Variants in C2 observed in about 807,000 individuals in gnomAD.
C2 encodes C3/C5 convertase.
In C2, 64 loss-of-function variants were observed where a neutral mutation model predicts 85.2. That is an observed-to-expected ratio of 0.75 (90% CI 0.61 to 0.92). C2 has a LOEUF of 0.92. Among genes scored for constraint, C2 ranks in the 40% least tolerant of loss-of-function variants. The pLI is 0.00. For synonymous variants in C2, 311 were observed against 370.8 expected (o/e 0.84, Z 1.85); for missense variants, 820 against 971.6 (o/e 0.84, Z 2.07).
rs1480970904 is a variant in C2, at chr6:31,942,976, G to A, written c.1237G>A (p.Val413Met). 6.2e-7 allele frequency: 1 copy of A among 1,613,112 alleles called. No homozygotes were observed. The highest frequency in any genetic ancestry group is 8.5e-7 in the Non-Finnish European group (1 of 1,180,050). ...CCCACCAGACATCTATGCCATCGGGGTGGGCAAGCTGGATGTGGACTGGAG... is the reference window on the plus strand; with the variant it reads ...CCCACCAGACATCTATGCCATCGGGATGGGCAAGCTGGATGTGGACTGGAG... Reference protein sequence around the residue: ...NDYLDIYAIGVGKLDVDWREL... With the variant: ...NDYLDIYAIGMGKLDVDWREL... Residue 413 changes from valine to methionine, a missense_variant, in exon 10 of 18, where the codon GTG becomes ATG. Transcript: ENST00000299367.
chr6:31,921,824 A>G lies in C2; in HGVS notation c.-100+1798A>G, dbSNP rs1768994416. On this transcript the variant is annotated intron_variant, in intron 1 of 3. Transcript: ENST00000413154. This position sits in a 1 kb window ranked among gnomAD's most constrained non-coding sequence, Gnocchi z 4.6. ...TGAAGTCTTCCTCCCCCAGAAGCAG[A>G]CCTGGAGACAAGGGTTCCAGTGCAG... is the stretch of plus-strand genomic sequence containing the variant. 6.6e-6 allele frequency among the ~76,000 whole-genome samples: 1 copy of G among 152,196 alleles called. No individual in the cohort carries two copies. The highest frequency in any genetic ancestry group is 2.4e-5 in the African/African-American group (1 of 41,452).
rs1446373166 is a variant in C2, at chr6:31,944,224, G to A, written c.1900G>A (p.Glu634Lys). 2 of 1,604,584 alleles carry A rather than the reference G, an allele frequency of 1.2e-6. No individual in the cohort carries two copies. The highest frequency in any genetic ancestry group is 3.3e-5 in the Admixed American group (2 of 60,010). Residue 634 changes from glutamate (E) to lysine (K), a missense_variant and splice_region_variant, in exon 15 of 18, where the codon GAG becomes AAG. Physicochemically the swap from Glu to Lys is moderately conservative, Grantham distance 56. Coordinates refer to ENST00000299367, the MANE Select transcript of C2 (RefSeq NM_000063.6). This position sits in a 1 kb window ranked among gnomAD's most constrained non-coding sequence, Gnocchi z 5.1. ...KLNINLKMGV[E>K]WTSCAEVVSQ... ...GAACATTAACCTTAAGATGGGAGTG[G>A]AGGTGAGGGTCTCAGGTTGGGGATG...
At chr6:31,907,580 CAAAAAAAA>C (rs752096679) in intron 1 of C2, among the ~76,000 whole-genome samples, 1 of 79,168 alleles carries the variant, frequency 1.3e-5, no homozygotes, top group Non-Finnish European at 2.3e-5. Context: ...AAGACCCTGT[CAAAAAAAA>C]AAAAAAAAAA....
upstream of C2, among the ~76,000 whole-genome samples, chr6:31,898,550 TA>T (rs1245901702): frequency 6.6e-6 from 1 of 152,010 alleles, no homozygotes; most frequent in Non-Finnish European, 1.5e-5. Flanking sequence ...TGAGGCCAAT[TA>T]AAGGCCTTCT....
upstream of C2, among the ~76,000 whole-genome samples, chr6:31,917,136 A>C (rs1312067669): frequency 1.3e-5 from 2 of 149,914 alleles, no homozygotes; most frequent in African/African-American, 2.5e-5. Context: ...GCACCACTGC[A>C]CTCCAGCCTG....
chr6:31,939,139 T>C, intron 8 of C2, 92 bp from the exon 9 acceptor site: 1 of 891,310 alleles, frequency 1.1e-6, no homozygotes, highest in Non-Finnish European at 1.9e-6. Flanking sequence ...ATGTAAATGT[T>C]GAGGTTCCCA....
At chr6:31,898,567 C>T (rs1335439471), upstream of C2, among the ~76,000 whole-genome samples, 3 of 151,372 alleles carry the variant, frequency 2.0e-5, no homozygotes, top group African/African-American at 7.3e-5. Context: ...CTTCTGGGAA[C>T]TGTAGTTCTC....
chr6:31,942,408 A>G (rs966879305), intron 9 of C2, among the ~76,000 whole-genome samples: 23 of 151,394 alleles, frequency 1.5e-4, no homozygotes, highest in Non-Finnish European at 3.2e-4. Flanking sequence ...TGGGGGACAC[A>G]ATTCCACCAT....
intron 3 of C2, among the ~76,000 whole-genome samples, chr6:31,931,912 CCCGGACGGCGCGG>C (rs1769803482): frequency 1.3e-5 from 1 of 76,666 alleles, no homozygotes; most frequent in African/African-American, 3.5e-5. Context: ...CCACCTCCCT[CCCGGACGGCGCGG>C]CTGGCCGGGC....
At chr6:31,927,023 G>A (rs1332145597), upstream of C2, among the ~76,000 whole-genome samples, 1 of 152,080 alleles carries the variant, frequency 6.6e-6, no homozygotes. The surrounding 1 kb of genome is among the most constrained non-coding windows in gnomAD (Gnocchi z 4.7). Flanking sequence ...TATTTACTTT[G>A]CCAGTTGGGA....
rs1268009001 is a variant in C2 at position 31,944,900 on chromosome 6, GTC to G, written c.2029+51_2029+52del. The G allele has an allele frequency of 1.2e-6, 2 of 1,612,442 alleles. No individual in the cohort carries two copies. The highest frequency in any genetic ancestry group is 1.7e-6 in the Non-Finnish European group (2 of 1,179,572). On this transcript the variant is annotated intron_variant, in intron 16 of 17. Coordinates refer to ENST00000299367, the MANE Select transcript of C2 (RefSeq NM_000063.6). The surrounding 1 kb of genome is among the most constrained non-coding windows in gnomAD (Gnocchi z 5.1). ...GATTCCCAAGGGGAAGGCCACCTGT[GTC>G]TCTGTGGCCAGCATGCATGCCAGAA...
In C2 at chr6:31,944,731, C is replaced by T. The variant is rs777096995; in HGVS notation, c.1907C>T (p.Thr636Ile). 1.9e-6 allele frequency: 3 copies of T among 1,613,096 alleles called. No individual in the cohort carries two copies. The highest frequency in any genetic ancestry group is 2.5e-6 in the Non-Finnish European group (3 of 1,180,024). The change falls in exon 16 of 18, where the codon ACA becomes ATA. Residue 636 changes from threonine to isoleucine, a missense_variant. By Grantham distance (89) the Thr-to-Ile change is moderately conservative. Transcript: ENST00000299367. This position sits in a 1 kb window ranked among gnomAD's most constrained non-coding sequence, Gnocchi z 5.1. Reference sequence around the variant, plus strand: ...CTGGTTCCACCCCTGCTGCAGTGGACAAGCTGTGCCGAGGTTGTCTCCCAA... The same window carrying T: ...CTGGTTCCACCCCTGCTGCAGTGGATAAGCTGTGCCGAGGTTGTCTCCCAA... ...NINLKMGVEW[T>I]SCAEVVSQEK...
chr6:31,904,038 AT>A lies in C2; in HGVS notation c.73+2900del, dbSNP rs1767556070. ...GCCAGATTCGCAAATCATTAAAAAA[AT>A]AAAATAAAAGCCCTATTCCTGTACC... On this transcript the variant is annotated intron_variant, in intron 1 of 3. Coordinates refer to the C2 transcript ENST00000452202. The surrounding 1 kb of genome is among the most constrained non-coding windows in gnomAD (Gnocchi z 4.4). 1.3e-5 allele frequency among the ~76,000 whole-genome samples: 2 copies of A among 152,128 alleles called. No homozygotes were observed. The highest frequency in any genetic ancestry group is 1.3e-4 in the Admixed American group (2 of 15,292).
At chr6:31,901,775 A>C (rs1581997572) in intron 1 of C2, 3 of 119,516 alleles carry the variant, frequency 2.5e-5, no homozygotes, top group African/African-American at 3.7e-5. Flanking sequence ...CCCTGCCCCC[A>C]CGCTCAGAGC....
At chr6:31,926,902 T>C (rs1472138794), upstream of C2, among the ~76,000 whole-genome samples, 1 of 152,204 alleles carries the variant, frequency 6.6e-6, no homozygotes, top group African/African-American at 2.4e-5. Flanking sequence ...ACTAACACAC[T>C]AGCTTCAAGT....
At position 31,937,208 on chromosome 6, in the gene C2, A is replaced by C. The variant is rs57937265; in HGVS notation, c.989-111A>C. 0.024 allele frequency: 14,240 copies of C among 592,472 alleles called. 264 individuals are homozygous for C. In the Admixed American group the frequency reaches 0.29, roughly 12 times the overall value. The allele number at this position is 592,472 out of a possible 1,614,324, so 36.7% of individuals were successfully genotyped here. ...TGGGTGGCAGAGCGAGACTCTCTCA[A>C]AAAAAAAAAAAAAATTGCATTTCCA... On this transcript the variant is annotated intron_variant, in intron 7 of 17. Transcript: ENST00000299367.
At chr6:31,939,125 G>A in intron 8 of C2, 106 bp from the exon 9 acceptor site, 1 of 816,482 alleles carries the variant, frequency 1.2e-6, no homozygotes, top group Non-Finnish European at 2.2e-6. Flanking sequence ...AGCTCTCACA[G>A]GCAATGTAAA....
Position 31,928,043 on chromosome 6 carries a change from C to A in C2, c.135C>A (p.Ser45Arg). The change falls in exon 2 of 18, where the codon AGC becomes AGA. Residue 45 changes from serine to arginine, a missense_variant. Coordinates refer to ENST00000299367, the MANE Select transcript of C2 (RefSeq NM_000063.6). ...TCAGCCATGGCTGGGCTCCTGGGAG[C>A]CTTCTCACCTACTCCTGCCCCCAGG... ...FTLSHGWAPG[S>R]LLTYSCPQGL... 2 of 1,614,162 alleles carry A rather than the reference C, an allele frequency of 1.2e-6. No individual in the cohort carries two copies. Among genetic ancestry groups the A allele is most frequent in the Non-Finnish European group, 1.7e-6 (2 of 1,180,020 alleles).
At chr6:31,937,249 G>C (rs1244709613) in intron 7 of C2, 70 bp from the exon 8 acceptor site, 14 of 1,470,998 alleles carry the variant, frequency 9.5e-6, no homozygotes, top group Non-Finnish European at 1.3e-5. Flanking sequence ...TGGGGGAATA[G>C]AGTGATTCCC....
Sources: gnomAD v4.1 joint callset for allele counts (sites outside exome capture counted in the v4.1 genomes callset) on GRCh38, gnomAD v4.1.1 for gene constraint, Gnocchi (gnomAD v3.1) non-coding constraint, MANE v1.5 for transcripts, NCBI Gene and HGNC (gene_info 2026-07-23, HGNC 2026-07-21) for gene names.